AASS: variants seen among roughly 807,000 people sequenced by gnomAD.
AASS encodes the protein aminoadipate-semialdehyde synthase.
In AASS, 86 loss-of-function variants were observed where a neutral mutation model predicts 105.4. The ratio of observed to expected loss-of-function variants is 0.82; its 90% CI spans 0.69 to 0.98. The LOEUF (loss-of-function observed/expected upper bound fraction) is 0.98. Ranked by LOEUF, AASS falls within the 50% of genes least tolerant of loss-of-function variation. The pLI, the probability that AASS is intolerant of heterozygous loss-of-function variation, is 0.00. For missense variants in AASS, 1,048 were observed against 1,143.2 expected (o/e 0.92, Z 1.20); for synonymous variants, 381 against 394.8 (o/e 0.96, Z 0.41).
chr7:122,116,534 AC>A (rs1225475674), intron 8 of AASS, 98 bp downstream of exon 8: 5 of 1,494,510 alleles, frequency 3.3e-6, no homozygotes. Context: ...CAACAGGAAA[AC>A]TGAAAGCCAT....
rs1793022176 is a variant in AASS at position 122,076,554 on chromosome 7, G to C, written c.2716C>G (p.Pro906Ala). The C allele has an allele frequency of 6.2e-7, 1 of 1,613,670 alleles. No individual in the cohort carries two copies. Among genetic ancestry groups the C allele is most frequent in the Non-Finnish European group, 8.5e-7 (1 of 1,179,820 alleles). Reference protein sequence around the residue: ...MGPFSKEIYGPILERIKAEGI... With the variant: ...MGPFSKEIYGAILERIKAEGI... ...TCTGCTTTAATTCGCTCCAATATTG[G>C]TCCATAGATCTCCTTTGAAAAGGGC... The change falls in exon 24 of 24, where the codon CCA becomes GCA. Residue 906 changes from proline (P) to alanine (A), a missense_variant. Pro to Ala is a conservative substitution (Grantham distance 27). Coordinates refer to ENST00000417368, the MANE Select transcript of AASS (RefSeq NM_005763.4).
chr7:122,090,948 C>G (rs556301403), intron 18 of AASS, among the ~76,000 whole-genome samples: 1 of 152,108 alleles, frequency 6.6e-6, no homozygotes, highest in Non-Finnish European at 1.5e-5. Flanking sequence ...CTTCCCCCAA[C>G]CCCTTCACCA....
intron 1 of AASS, among the ~76,000 whole-genome samples, chr7:122,140,232 T>C (rs1282361604): frequency 1.3e-5 from 2 of 151,934 alleles, no homozygotes; most frequent in African/African-American, 4.8e-5. Flanking sequence ...ACACCTGTAA[T>C]CCCAGCACTT....
intron 20 of AASS, among the ~76,000 whole-genome samples, 174 bp from the exon 21 acceptor site, chr7:122,079,886 C>A (rs1343013078): frequency 6.6e-6 from 1 of 152,020 alleles, no homozygotes; most frequent in African/African-American, 2.4e-5. Flanking sequence ...CATCTGCATA[C>A]CTACACATCA....
At chr7:122,144,036 A>T (rs1796523335) in intron 1 of AASS, 125 bp downstream of exon 1, 1 of 152,096 alleles carries the variant, frequency 6.6e-6, no homozygotes, top group Non-Finnish European at 1.5e-5. Context: ...CGGGACCCGA[A>T]GGCCAGGCTC....
intron 21 of AASS, 132 bp from the exon 22 acceptor site, chr7:122,079,082 C>T: frequency 1.3e-6 from 2 of 1,564,646 alleles, no homozygotes; most frequent in Non-Finnish European, 8.7e-7. Context: ...TTGTAGGATT[C>T]TCCTAAAATG....
At chr7:122,112,798 A>C (rs1306188470) in intron 11 of AASS, among the ~76,000 whole-genome samples, 1 of 152,216 alleles carries the variant, frequency 6.6e-6, no homozygotes, top group Non-Finnish European at 1.5e-5. Context: ...GTGCCCCAAT[A>C]TGAACTGACA....
Position 122,093,125 on chromosome 7 carries a change from G to T in AASS, c.1689C>A (p.Ala563=), listed in dbSNP as rs367791157. The T allele has an allele frequency of 6.2e-7, 1 of 1,613,768 alleles. No individual in the cohort carries two copies. Among genetic ancestry groups the T allele is most frequent in the Non-Finnish European group, 8.5e-7 (1 of 1,179,866 alleles). Residue 563 remains alanine (A), a synonymous_variant, in exon 16 of 24, where the codon GCC becomes GCA. Transcript: ENST00000417368. The part of the protein sequence containing the change: ...LLPYVLHPLV[A]KACITNKVNM... ...TAACTTTGTTTGTGATGCAGGCCTTGGCCACAAGAGGGTGCAATACATAAG... is the reference window on the plus strand; with the variant it reads ...TAACTTTGTTTGTGATGCAGGCCTTTGCCACAAGAGGGTGCAATACATAAG...
At chr7:122,131,583 C>A (rs1335345681) in intron 2 of AASS, among the ~76,000 whole-genome samples, 1 of 151,656 alleles carries the variant, frequency 6.6e-6, no homozygotes, top group Non-Finnish European at 1.5e-5. Flanking sequence ...CTCTGGAGGT[C>A]TTTTAGTATC....
chr7:122,076,676 T>A, intron 23 of AASS, 69 bp from the exon 24 acceptor site: 1 of 1,214,272 alleles, frequency 8.2e-7, no homozygotes, highest in East Asian at 2.3e-5. Context: ...CCATCAAGAG[T>A]CTCCACAAAG....
intron 6 of AASS, 70 bp from the exon 7 acceptor site, chr7:122,117,027 T>C: frequency 7.2e-7 from 1 of 1,383,782 alleles, no homozygotes; most frequent in Non-Finnish European, 1.0e-6. Context: ...TCTGCAAAGA[T>C]CTGATCATTT....
Position 122,075,836 on chromosome 7 carries a change from A to G in AASS, c.*653T>C, listed in dbSNP as rs750917870. ...TAGCATTTTGGCAAAAACTTAACTT[A>G]GGTAATCTGAAGGTATCTAACTGTA... On this transcript the variant is annotated 3_prime_UTR_variant, in exon 24 of 24. Coordinates refer to ENST00000417368, the MANE Select transcript of AASS (RefSeq NM_005763.4). The G allele has an allele frequency of 3.0e-4, 45 of 152,330 alleles. No individual in the cohort carries two copies. Among genetic ancestry groups the G allele is most frequent in the African/African-American group, 8.7e-4 (36 of 41,578 alleles). The allele number at this position is 152,330 out of a possible 1,614,324, so 9.4% of individuals were successfully genotyped here. A position where few individuals can be genotyped will look rare whatever the true frequency, so the allele number is the denominator to read the frequency against.
chr7:122,085,105 A>C (rs1168415299), intron 19 of AASS, among the ~76,000 whole-genome samples: 3 of 152,178 alleles, frequency 2.0e-5, no homozygotes. Context: ...TAATAAGAAG[A>C]GGATGCAACA....
At chr7:122,093,801 C>T (rs1248008409) in intron 15 of AASS, among the ~76,000 whole-genome samples, 2 of 151,866 alleles carry the variant, frequency 1.3e-5, no homozygotes, top group Admixed American at 1.3e-4. Context: ...TAGAGTGAGA[C>T]CCTGTCTCAA....
intron 1 of AASS, among the ~76,000 whole-genome samples, chr7:122,135,959 A>G (rs1338806367): frequency 1.3e-5 from 2 of 152,198 alleles, no homozygotes; most frequent in Non-Finnish European, 2.9e-5. Flanking sequence ...CCCAACTTCA[A>G]TTGGATTCTA....
rs773667229 is a variant in AASS at position 122,126,366 on chromosome 7, C to A, written c.472+9G>T. On this transcript the variant is annotated intron_variant, in intron 4 of 23. Transcript: ENST00000417368. ...AGGAAGTGGGTGATGTAAGCCCTGG[C>A]ATACTTACCTGCCACACCAGCCCAC... The A allele has an allele frequency of 3.1e-6, 5 of 1,612,436 alleles. No homozygotes were observed. In the South Asian group the frequency reaches 5.5e-5, roughly 18 times the overall value.
rs774243654 is a variant in AASS, at chr7:122,086,136, G to A, written c.2060C>T (p.Thr687Met). The change falls in exon 19 of 24, where the codon ACG (threonine) becomes ATG (methionine). Residue 687 changes from threonine to methionine, a missense_variant. Thr to Met is a moderately conservative substitution (Grantham distance 81, BLOSUM62 -1). Coordinates refer to ENST00000417368, the MANE Select transcript of AASS (RefSeq NM_005763.4). Reference protein sequence around the residue: ...AGGISFLDAVTSMDFFPGLNL... With the variant: ...AGGISFLDAVMSMDFFPGLNL... Reference sequence around the variant, plus strand: ...TAATCCTGGAAAAAAATCCATGGACGTAACGGCATCAAGAAAGGAGATGCC... The same window carrying A: ...TAATCCTGGAAAAAAATCCATGGACATAACGGCATCAAGAAAGGAGATGCC... The A allele has an allele frequency of 1.1e-5, 18 of 1,613,302 alleles. No homozygotes were observed. Among genetic ancestry groups the A allele is most frequent in the South Asian group, 3.3e-5 (3 of 91,052 alleles).
In AASS at chr7:122,085,322, G is replaced by A. The variant is rs116836197; in HGVS notation, c.2184+690C>T. ...ATGCTAGAAAACTATTACACCAGTT[G>A]TCTTGATTAGGTCACACTTGTAACT... On this transcript the variant is annotated intron_variant, in intron 19 of 23. Transcript: ENST00000417368. Among the ~76,000 whole-genome samples the A allele has an allele frequency of 2.7e-3, 417 of 152,286 alleles. 3 individuals carry two copies. The highest frequency in any genetic ancestry group is 9.4e-3 in the African/African-American group (390 of 41,574).
At chr7:122,117,910 C>T (rs1266855369) in intron 6 of AASS, among the ~76,000 whole-genome samples, 1 of 152,018 alleles carries the variant, frequency 6.6e-6, no homozygotes, top group African/African-American at 2.4e-5. Flanking sequence ...CCTGCCTCGG[C>T]CTCCCAAAGC....
Sources: gnomAD v4.1 joint callset for allele counts (sites outside exome capture counted in the v4.1 genomes callset) on GRCh38, gnomAD v4.1.1 for gene constraint, MANE v1.5 for transcripts, NCBI Gene and HGNC (gene_info 2026-07-23, HGNC 2026-07-21) for gene names.